ANKHD1: variants seen among roughly 807,000 people sequenced by gnomAD.
ANKHD1 encodes the protein ankyrin repeat and KH domain containing 1.
ANKHD1 carries 31 observed loss-of-function variants against 230.5 expected under a neutral mutation model. The ratio of observed to expected loss-of-function variants is 0.13; its 90% CI spans 0.10 to 0.18. The LOEUF is 0.18. Ranked by LOEUF, ANKHD1 falls within the 10% of genes least tolerant of loss-of-function variation. The pLI, the probability that ANKHD1 is intolerant of heterozygous loss-of-function variation, is 1.00. For synonymous variants in ANKHD1, 1,074 were observed against 1,117.6 expected, an observed-to-expected ratio of 0.96 and a Z score of 0.78; for missense variants, 2,256 against 3,071.3, an observed-to-expected ratio of 0.73 and a Z score of 6.27.
intron 1 of ANKHD1, among the ~76,000 whole-genome samples, chr5:140,418,065 C>T (rs906567055): frequency 1.3e-5 from 2 of 151,590 alleles, no homozygotes; most frequent in Non-Finnish European, 2.9e-5. Context: ...CAGTCTCAAA[C>T]TCCCGACCTC....
intron 24 of ANKHD1, among the ~76,000 whole-genome samples, chr5:140,516,960 G>A (rs1179553353): frequency 2.3e-4 from 35 of 151,946 alleles, no homozygotes; most frequent in Non-Finnish European, 3.4e-4. Flanking sequence ...AAATGTAAAC[G>A]GATTAAATGC....
chr5:140,528,232 C>T lies in ANKHD1; in HGVS notation c.5286C>T (p.Leu1762=), dbSNP rs1161152332. Residue 1762 remains leucine, a synonymous_variant, in exon 29 of 34, where the codon CTC becomes CTT. Transcript: ENST00000360839. ...ATGCAGTTCAACTAATCAATGCACT[C>T]ATTCAAGATCCTGCTAAGGAACTGG... The part of the protein sequence containing the change: ...TRYAVQLINA[L]IQDPAKELED... 16 of 1,611,650 alleles carry T rather than the reference C, an allele frequency of 9.9e-6. No individual in the cohort carries two copies. The highest frequency in any genetic ancestry group is 1.4e-5 in the Non-Finnish European group (16 of 1,179,456).
chr5:140,484,503 T>C (rs1751421470), intron 11 of ANKHD1, among the ~76,000 whole-genome samples: 1 of 152,188 alleles, frequency 6.6e-6, no homozygotes, highest in East Asian at 1.9e-4. Flanking sequence ...ATACACAATA[T>C]GAAGAATTAT....
intron 6 of ANKHD1, among the ~76,000 whole-genome samples, chr5:140,446,817 T>G (rs2126935371): frequency 6.6e-6 from 1 of 152,146 alleles, no homozygotes; most frequent in East Asian, 1.9e-4. Context: ...ATAGTTATAC[T>G]CTAACAGTTT....
intron 22 of ANKHD1, among the ~76,000 whole-genome samples, chr5:140,511,378 A>G (rs1017275280): frequency 1.3e-5 from 2 of 151,904 alleles, no homozygotes; most frequent in Non-Finnish European, 2.9e-5. Context: ...TTGCTCACTG[A>G]TTTTCTTTTC....
chr5:140,427,416 G>A (rs1438190554), intron 1 of ANKHD1, among the ~76,000 whole-genome samples: 4 of 121,320 alleles, frequency 3.3e-5, no homozygotes, highest in Middle Eastern at 7.1e-3. Flanking sequence ...CTGGCCGGGC[G>A]GGGGGCTGAC....
chr5:140,467,696 G>GA (rs1002792080), intron 10 of ANKHD1, among the ~76,000 whole-genome samples: 8 of 152,164 alleles, frequency 5.3e-5, no homozygotes, highest in Non-Finnish European at 1.0e-4. Context: ...TTGTGACAGT[G>GA]AAAAAAATAT....
intron 15 of ANKHD1, among the ~76,000 whole-genome samples, chr5:140,504,357 T>G (rs1752455031): frequency 6.6e-6 from 1 of 152,228 alleles, no homozygotes; most frequent in African/African-American, 2.4e-5. Context: ...CAGCCCCCTT[T>G]TTTTGAATTG....
chr5:140,428,614 A>T (rs1208287895), intron 1 of ANKHD1, among the ~76,000 whole-genome samples: 1 of 152,144 alleles, frequency 6.6e-6, no homozygotes, highest in Non-Finnish European at 1.5e-5. Flanking sequence ...TCGGCATCAG[A>T]GGGAGACCGT....
rs146396925 is a variant in ANKHD1 at position 140,529,675 on chromosome 5, C to G, written c.6729C>G (p.Phe2243Leu). 2.1e-4 allele frequency: 343 copies of G among 1,614,094 alleles called. No homozygotes were observed. Among genetic ancestry groups the G allele is most frequent in the Non-Finnish European group, 2.8e-4 (333 of 1,180,050 alleles). Reference sequence around the variant, plus strand: ...CACGAGTTGCTACAGATGCCTCTTTCACTGTTCAGTCAGCGTTCCTGGGTA... The same window carrying G: ...CACGAGTTGCTACAGATGCCTCTTTGACTGTTCAGTCAGCGTTCCTGGGTA... ...LSSRVATDAS[F>L]TVQSAFLGNS... The change falls in exon 29 of 34, where the codon TTC (phenylalanine) becomes TTG (leucine). Residue 2243 changes from phenylalanine to leucine, a missense_variant. Physicochemically the swap from Phe to Leu is conservative, Grantham distance 22. Coordinates refer to ENST00000360839, the MANE Select transcript of ANKHD1 (RefSeq NM_017747.3).
chr5:140,502,983 G>A (rs1251412050), intron 15 of ANKHD1, among the ~76,000 whole-genome samples: 1 of 152,006 alleles, frequency 6.6e-6, no homozygotes, highest in Non-Finnish European at 1.5e-5. Context: ...GGATGAGCTG[G>A]GTAGCTCATG....
chr5:140,407,850 G>A (rs1770596818), intron 1 of ANKHD1, among the ~76,000 whole-genome samples: 1 of 152,034 alleles, frequency 6.6e-6, no homozygotes, highest in Non-Finnish European at 1.5e-5. Context: ...GTTTGTGTGT[G>A]TATGTGTGTG....
At chr5:140,517,844 A>T (rs1753109135) in intron 24 of ANKHD1, among the ~76,000 whole-genome samples, 1 of 147,894 alleles carries the variant, frequency 6.8e-6, no homozygotes, top group Non-Finnish European at 1.5e-5. Flanking sequence ...AGCAGGAAAG[A>T]TCCAAAATTG....
chr5:140,445,811 G>T lies in ANKHD1; in HGVS notation c.983G>T (p.Gly328Val), dbSNP rs1774238853. 1 of 1,613,478 alleles carries T rather than the reference G, an allele frequency of 6.2e-7. No homozygotes were observed. The highest frequency in any genetic ancestry group is 8.5e-7 in the Non-Finnish European group (1 of 1,179,716). The change falls in exon 6 of 34, where the codon GGT becomes GTT. Residue 328 changes from glycine (G) to valine (V), a missense_variant. Around this residue, in one of 13 missense-constraint regions of ANKHD1, gnomAD observed 206 missense variants for 304.5 expected, o/e 0.68. Transcript: ENST00000360839. ...VDIVKVLLNEGANIEDHNENG... is the reference protein window; with the variant it reads ...VDIVKVLLNEVANIEDHNENG... ...ATTGTTAAAGTGCTCCTTAATGAAG[G>T]TGCAAATATAGAAGATCATAATGAA...
At chr5:140,406,722 A>G (rs1770488777) in intron 1 of ANKHD1, among the ~76,000 whole-genome samples, 3 of 152,050 alleles carry the variant, frequency 2.0e-5, no homozygotes, top group Admixed American at 1.3e-4. Flanking sequence ...TTTAGCAGAA[A>G]TGGGGGTTTC....
chr5:140,520,403 A>G (rs1753272840), intron 24 of ANKHD1, among the ~76,000 whole-genome samples: 1 of 152,140 alleles, frequency 6.6e-6, no homozygotes, highest in African/African-American at 2.4e-5. Context: ...TAGAAATACC[A>G]TTTGACCCAG....
Position 140,539,712 on chromosome 5 carries a change from G to A in ANKHD1, c.*294G>A. On this transcript the variant is annotated 3_prime_UTR_variant, in exon 34 of 34. Transcript: ENST00000360839. ...ATTACATGTTTCAACCTTTTAGGGTGATAAATACATGTATAATTGTTTACA... is the reference window on the plus strand; with the variant it reads ...ATTACATGTTTCAACCTTTTAGGGTAATAAATACATGTATAATTGTTTACA... The A allele has an allele frequency of 3.8e-6, 1 of 260,606 alleles. No homozygotes were observed. The highest frequency in any genetic ancestry group is 7.2e-6 in the Non-Finnish European group (1 of 138,120). The allele number at this position is 260,606 out of a possible 1,614,324, so 16.1% of individuals were successfully genotyped here.
At chr5:140,476,774 A>G (rs1466818146) in intron 10 of ANKHD1, among the ~76,000 whole-genome samples, 1 of 152,306 alleles carries the variant, frequency 6.6e-6, no homozygotes, top group Admixed American at 6.5e-5. Flanking sequence ...AAAGAAATTG[A>G]TAAAACATAT....
In ANKHD1 at chr5:140,509,741, C is replaced by T. The variant is rs745495499; in HGVS notation, c.3870C>T (p.Ser1290=). Residue 1290 remains serine, a synonymous_variant, in exon 21 of 34, where the codon TCC becomes TCT. Coordinates refer to ENST00000360839, the MANE Select transcript of ANKHD1 (RefSeq NM_017747.3). ...GADVNAPPVP[S]SRDTALTIAA... ...ATGTTAATGCTCCCCCTGTGCCTTC[C>T]TCAAGAGATACTGCTTTAACAATAG... 3.1e-6 allele frequency: 5 copies of T among 1,613,360 alleles called. No individual in the cohort carries two copies. The South Asian group carries it at 4.4e-5, about 14-fold the overall frequency.
Sources: allele counts gnomAD v4.1 joint callset (sites outside exome capture counted in the v4.1 genomes callset), GRCh38; gene constraint gnomAD v4.1.1; regional missense constraint gnomAD v4.1.1; transcripts MANE v1.5; gene names NCBI Gene and HGNC (gene_info 2026-07-23, HGNC 2026-07-21).